Variants in COLEC10 observed in about 807,000 individuals in gnomAD.
COLEC10 encodes collectin-10.
Under a neutral mutation model 28.4 loss-of-function variants are expected in COLEC10, and 22 were observed. That is an observed-to-expected ratio of 0.78 (90% confidence interval 0.55 to 1.11). The LOEUF (loss-of-function observed/expected upper bound fraction) is 1.11. Among genes scored for constraint, COLEC10 ranks in the 50% least tolerant of loss-of-function variants. COLEC10 has a pLI of 0.00. For missense variants in COLEC10, 361 were observed against 344.1 expected, an observed-to-expected ratio of 1.05 and a Z score of -0.39; for synonymous variants, 125 against 116.1, an observed-to-expected ratio of 1.08 and a Z score of -0.49.
In COLEC10 at chr8:119,105,960, G is replaced by A. The variant is rs748590459; in HGVS notation, c.603G>A (p.Lys201=). 3.0e-5 allele frequency: 48 copies of A among 1,613,784 alleles called. No homozygotes were observed. Among genetic ancestry groups the A allele is most frequent in the Non-Finnish European group, 4.0e-5 (47 of 1,179,910 alleles). The change falls in exon 6 of 6, where the codon AAG becomes AAA. Residue 201 remains lysine, a synonymous_variant. Coordinates refer to ENST00000332843, the MANE Select transcript of COLEC10 (RefSeq NM_006438.5). ...ANTLIADYVA[K]SGFFRVFIGV... is the part of the protein sequence containing the mutation. ...CACTCATCGCTGACTATGTTGCCAA[G>A]AGTGGCTTCTTTCGGGTGTTCATTG...
chr8:119,074,609 A>T (rs766213716), intron 1 of COLEC10, among the ~76,000 whole-genome samples: 8 of 152,174 alleles, frequency 5.3e-5, no homozygotes, highest in Admixed American at 2.0e-4. Flanking sequence ...TAGATTGTGA[A>T]GTCAGCTCCC....
At chr8:119,099,862 C>T (rs964238273) in intron 3 of COLEC10, among the ~76,000 whole-genome samples, 17 of 152,004 alleles carry the variant, frequency 1.1e-4, no homozygotes, top group Admixed American at 9.2e-4. Context: ...TCTCTTTGTT[C>T]TCTTATGTGT....
chr8:119,016,989 CA>C (rs1814002959), intron 2 of COLEC10, among the ~76,000 whole-genome samples: 1 of 16,278 alleles, frequency 6.1e-5, no homozygotes, highest in South Asian at 6.0e-3. Context: ...GCTGGGATAA[CA>C]GGGGTGAGCC....
At chr8:119,024,138 T>C (rs11984492) in intron 2 of COLEC10, among the ~76,000 whole-genome samples, 4,663 of 152,140 alleles carry the variant, frequency 0.031, 229 homozygotes, top group African/African-American at 0.11. Context: ...ACTCCTCTGG[T>C]TGGGTAGGAG....
chr8:118,968,129 T>C, the COLEC10 span, among the ~76,000 whole-genome samples: 1 of 151,986 alleles, frequency 6.6e-6, no homozygotes, highest in Non-Finnish European at 1.5e-5. Flanking sequence ...GTTTAGAGGT[T>C]TTTTTTAAAT....
intron 2 of COLEC10, among the ~76,000 whole-genome samples, chr8:119,039,439 T>C (rs757429388): frequency 6.6e-6 from 1 of 152,174 alleles, no homozygotes; most frequent in Non-Finnish European, 1.5e-5. Context: ...AGGAACTACA[T>C]CTGTCTGATT....
chr8:118,988,695 G>A, the COLEC10 span, among the ~76,000 whole-genome samples: 1 of 152,172 alleles, frequency 6.6e-6, no homozygotes, highest in Admixed American at 6.5e-5. Context: ...TATAATAACA[G>A]TGGATTATAG....
At chr8:119,067,557 T>C in intron 1 of COLEC10, 128 bp downstream of exon 1, 1 of 902,950 alleles carries the variant, frequency 1.1e-6, no homozygotes, top group Non-Finnish European at 1.6e-6. Flanking sequence ...TTCCTTCTAT[T>C]TTGGAAAATC....
At chr8:118,971,822 A>G in the COLEC10 span, among the ~76,000 whole-genome samples, 2 of 152,110 alleles carry the variant, frequency 1.3e-5, 1 homozygote, top group South Asian at 4.1e-4. Flanking sequence ...TTGGCTAAAA[A>G]TTTCAGTTTT....
chr8:119,092,698 G>T (rs1466909796), intron 3 of COLEC10, among the ~76,000 whole-genome samples: 1 of 152,060 alleles, frequency 6.6e-6, no homozygotes, highest in Non-Finnish European at 1.5e-5. Flanking sequence ...CTGAGGTCAG[G>T]AGTTTGAGAC....
At chr8:119,064,693 A>C (rs1814921028), upstream of COLEC10, among the ~76,000 whole-genome samples, 1 of 152,330 alleles carries the variant, frequency 6.6e-6, no homozygotes, top group Admixed American at 6.5e-5. Flanking sequence ...TGGACATTTT[A>C]AGTGTTTGTG....
chr8:119,057,251 C>T (rs1270168414), intron 2 of COLEC10, among the ~76,000 whole-genome samples: 1 of 152,020 alleles, frequency 6.6e-6, no homozygotes, highest in African/African-American at 2.4e-5. Context: ...CTCATGCCTC[C>T]TTGTGAAGAA....
At chr8:119,028,468 T>C (rs1814233144) in intron 2 of COLEC10, among the ~76,000 whole-genome samples, 1 of 152,076 alleles carries the variant, frequency 6.6e-6, no homozygotes, top group African/African-American at 2.4e-5. Context: ...GAAAGGTACT[T>C]CTTACATGGT....
rs1815582665 is a variant in COLEC10 at position 119,091,107 on chromosome 8, G to T, written c.221-42G>T. On this transcript the variant is annotated intron_variant, in intron 2 of 5. Transcript: ENST00000332843. ...TCACATTAGCCACATTTCAAGGGAAGATAAAACCTTATGATAAAAAGATAA... is the reference window on the plus strand; with the variant it reads ...TCACATTAGCCACATTTCAAGGGAATATAAAACCTTATGATAAAAAGATAA... 9 of 1,513,180 alleles carry T rather than the reference G, an allele frequency of 5.9e-6. No individual in the cohort carries two copies. The Middle Eastern group carries it at 1.4e-3, about 229-fold the overall frequency. The allele number at this position is 1,513,180 out of a possible 1,614,324, so 93.7% of individuals were successfully genotyped here.
chr8:118,966,551 T>C, the COLEC10 span, among the ~76,000 whole-genome samples: 6 of 152,282 alleles, frequency 3.9e-5, no homozygotes, highest in African/African-American at 1.4e-4. Flanking sequence ...CTTTTCTCCA[T>C]GTCTTTTAAG....
the COLEC10 span, among the ~76,000 whole-genome samples, chr8:118,980,025 C>T: frequency 4.6e-5 from 7 of 151,214 alleles, no homozygotes; most frequent in African/African-American, 1.7e-4. Flanking sequence ...AGAGATAGAG[C>T]CCAAGACAAA....
chr8:119,040,206 A>G (rs1291698081), intron 2 of COLEC10, among the ~76,000 whole-genome samples: 1 of 152,212 alleles, frequency 6.6e-6, no homozygotes, highest in African/African-American at 2.4e-5. Context: ...ACTTGAAGTC[A>G]TGAGAAATAA....
intron 2 of COLEC10, among the ~76,000 whole-genome samples, chr8:119,035,470 G>A (rs1195924859): frequency 6.6e-6 from 1 of 152,214 alleles, no homozygotes; most frequent in Non-Finnish European, 1.5e-5. Context: ...AATTTCCAGT[G>A]AAAAACCTTG....
At chr8:119,010,774 T>A (rs1813888740) in intron 2 of COLEC10, among the ~76,000 whole-genome samples, 1 of 151,170 alleles carries the variant, frequency 6.6e-6, no homozygotes. Context: ...CACCTTTTCA[T>A]ATGGTAATTT....
Sources: gnomAD v4.1 joint callset for allele counts (sites outside exome capture counted in the v4.1 genomes callset) on GRCh38, gnomAD v4.1.1 for gene constraint, MANE v1.5 for transcripts, NCBI Gene and HGNC (gene_info 2026-07-23, HGNC 2026-07-21) for gene names.